Variants in NEDD8 observed in about 807,000 individuals in gnomAD.
The protein encoded by NEDD8 is NEDD8 ubiquitin like modifier.
Under a neutral mutation model 13.8 loss-of-function variants are expected in NEDD8, and 1 was observed. The ratio of observed to expected loss-of-function variants is 0.07; its 90% confidence interval spans 0.03 to 0.34. The LOEUF (loss-of-function observed/expected upper bound fraction) is 0.34, where lower values mean the gene tolerates loss of function less well. Among genes scored for constraint, NEDD8 ranks in the 10% least tolerant of loss-of-function variants. The pLI is 0.99. For missense variants in NEDD8, 10 were observed against 95.2 expected, an observed-to-expected ratio of 0.10 and a Z score of 3.73; for synonymous variants, 31 against 33.2, an observed-to-expected ratio of 0.93 and a Z score of 0.23.
intron 3 of NEDD8, 60 bp from the exon 4 acceptor site, chr14:24,217,283 G>A (rs1320810027): frequency 8.0e-7 from 1 of 1,257,078 alleles, no homozygotes; most frequent in Non-Finnish European, 1.1e-6. Context: ...TTTTGTTGTT[G>A]TTGTTGTTGT....
intron 3 of NEDD8, among the ~76,000 whole-genome samples, chr14:24,217,474 A>G (rs1052918466): frequency 6.6e-6 from 1 of 151,844 alleles, no homozygotes; most frequent in Non-Finnish European, 1.5e-5. Flanking sequence ...ATTTTTAGTA[A>G]AGATGGGGTT....
At chr14:24,223,719 T>A (rs2039844348) in intron 1 of NEDD8, among the ~76,000 whole-genome samples, 1 of 146,228 alleles carries the variant, frequency 6.8e-6, no homozygotes, top group Non-Finnish European at 1.5e-5. Context: ...TGGCTAATTC[T>A]TTTTTGGAAA....
At chr14:24,226,313 A>G (rs932751741) in intron 1 of NEDD8, among the ~76,000 whole-genome samples, 5 of 151,854 alleles carry the variant, frequency 3.3e-5, no homozygotes, top group South Asian at 4.2e-4. Flanking sequence ...CCAACATGGC[A>G]AAACCCTGTC....
rs573580856 is a variant in NEDD8 at position 24,224,221 on chromosome 14, G to A, written c.19-5790C>T. On this transcript the variant is annotated intron_variant, in intron 1 of 3. Coordinates refer to ENST00000250495, the MANE Select transcript of NEDD8 (RefSeq NM_006156.3). ...TGGGATTACAGGCGTGAGCCACCGC[G>A]CCCAGCCAATTTTTGTATTTTTAGT... Among the ~76,000 whole-genome samples the A allele has an allele frequency of 4.8e-3, 736 of 152,096 alleles. 10 individuals are homozygous for A. The highest frequency in any genetic ancestry group is 0.017 in the African/African-American group (705 of 41,500).
At chr14:24,222,956 G>A (rs2039830789) in intron 1 of NEDD8, among the ~76,000 whole-genome samples, 1 of 151,710 alleles carries the variant, frequency 6.6e-6, no homozygotes, top group South Asian at 2.1e-4. Context: ...CATGGTGGTG[G>A]GCGCCTGTAG....
chr14:24,217,061 G>A lies in NEDD8; in HGVS notation c.*66C>T, dbSNP rs1049732. ...AGGGGGCAGTGGCTATGGTGTCCCAGAGAGTGAGAGGATATATGATGCCTC... is the reference window on the plus strand; with the variant it reads ...AGGGGGCAGTGGCTATGGTGTCCCAAAGAGTGAGAGGATATATGATGCCTC... On this transcript the variant is annotated 3_prime_UTR_variant, in exon 4 of 4. Transcript: ENST00000250495. The A allele has an allele frequency of 7.6e-7, 1 of 1,310,844 alleles. No homozygotes were observed. The highest frequency in any genetic ancestry group is 2.4e-5 in the East Asian group (1 of 41,578). The allele number at this position is 1,310,844 out of a possible 1,614,324, so 81.2% of individuals were successfully genotyped here.
At chr14:24,228,453 G>C (rs1483126332) in intron 1 of NEDD8, 1 of 151,744 alleles carries the variant, frequency 6.6e-6, no homozygotes, top group East Asian at 1.9e-4. Flanking sequence ...GGTAGCTCAC[G>C]GCTGTAATCC....
At chr14:24,230,704 C>G (rs183807223) in intron 1 of NEDD8, among the ~76,000 whole-genome samples, 1 of 150,846 alleles carries the variant, frequency 6.6e-6, no homozygotes, top group Non-Finnish European at 1.5e-5. Flanking sequence ...CTGCAATCTC[C>G]GCCTCCCAGG....
chr14:24,217,510 G>A (rs1174497262), intron 3 of NEDD8, among the ~76,000 whole-genome samples: 2 of 152,074 alleles, frequency 1.3e-5, no homozygotes, highest in Non-Finnish European at 2.9e-5. Context: ...GGCTGGTCTC[G>A]AACTCCTGAC....
intron 1 of NEDD8, among the ~76,000 whole-genome samples, chr14:24,220,953 C>A (rs2039798362): frequency 6.6e-6 from 1 of 152,182 alleles, no homozygotes; most frequent in South Asian, 2.1e-4. Flanking sequence ...GAAACAAGAA[C>A]TCAGAAAATT....
At position 24,218,306 on chromosome 14, in the gene NEDD8, AAAGGACCAAGTTCATAAGCAT is replaced by A. The variant is rs1790786537; in HGVS notation, c.66+57_66+77del. The stretch of plus-strand genomic sequence containing the variant: ...GGGCTATGCAGACAGCATGAGAGCA[AAAGGACCAAGTTCATAAGCAT>A]ATGCAAACAAATACACATGGCAAGA... On this transcript the variant is annotated intron_variant, in intron 2 of 3. Transcript: ENST00000250495. The A allele has an allele frequency of 5.0e-6, 8 of 1,613,918 alleles. No homozygotes were observed. The South Asian group carries it at 8.8e-5, about 18-fold the overall frequency.
chr14:24,232,178 C>A, intron 1 of NEDD8, 72 bp downstream of exon 1: 1 of 1,608,780 alleles, frequency 6.2e-7, no homozygotes, highest in Non-Finnish European at 8.5e-7. Flanking sequence ...GTTTTCCTTC[C>A]CCACGTCTCC....
intron 3 of NEDD8, among the ~76,000 whole-genome samples, chr14:24,217,537 C>T (rs540313791): frequency 1.3e-5 from 2 of 152,224 alleles, no homozygotes; most frequent in Admixed American, 1.3e-4. Context: ...TGATCCACCC[C>T]CTTCAGCCTC....
chr14:24,220,325 CTTTTA>C (rs2039785128), intron 1 of NEDD8, among the ~76,000 whole-genome samples: 1 of 151,866 alleles, frequency 6.6e-6, no homozygotes, highest in South Asian at 2.1e-4. Flanking sequence ...TATTTTTTTC[CTTTTA>C]TTTTTTTAAG....
chr14:24,221,081 A>G (rs1594484715), intron 1 of NEDD8, among the ~76,000 whole-genome samples: 2 of 152,208 alleles, frequency 1.3e-5, no homozygotes. Flanking sequence ...TCAAGCTTCT[A>G]CCCTAACCTA....
At position 24,216,884 on chromosome 14, in the gene NEDD8, G is replaced by T; in HGVS notation, c.*243C>A. ...CCAGGAGGCCAGGAAATATTTTATT[G>T]ACAACCAGGGACACAGTCATAAGAG... is the stretch of plus-strand genomic sequence containing the variant. On this transcript the variant is annotated 3_prime_UTR_variant, in exon 4 of 4. Coordinates refer to ENST00000250495, the MANE Select transcript of NEDD8 (RefSeq NM_006156.3). 1 of 445,910 alleles carries T rather than the reference G, an allele frequency of 2.2e-6. No individual in the cohort carries two copies. The allele number at this position is 445,910 out of a possible 1,614,324, so 27.6% of individuals were successfully genotyped here. A position where few individuals can be genotyped will look rare whatever the true frequency, so the allele number is the denominator to read the frequency against.
chr14:24,218,254 G>A, intron 2 of NEDD8, 39 bp from the exon 3 acceptor site: 3 of 1,614,048 alleles, frequency 1.9e-6, no homozygotes, highest in Non-Finnish European at 1.7e-6. Flanking sequence ...CTGCTTAGGG[G>A]TAGGACCATG....
At chr14:24,226,409 G>A (rs1167452693) in intron 1 of NEDD8, among the ~76,000 whole-genome samples, 8 of 144,962 alleles carry the variant, frequency 5.5e-5, no homozygotes, top group Non-Finnish European at 6.0e-5. Flanking sequence ...TCGTGCCACC[G>A]CACTCCAGCC....
chr14:24,232,084 G>T (rs1356230519), intron 1 of NEDD8, 166 bp downstream of exon 1: 1 of 1,087,456 alleles, frequency 9.2e-7, no homozygotes, highest in Non-Finnish European at 1.3e-6. Flanking sequence ...CGCTCTCAAA[G>T]CCCTTCTGGG....
Sources: gnomAD v4.1 joint callset for allele counts (sites outside exome capture counted in the v4.1 genomes callset) on GRCh38, gnomAD v4.1.1 for gene constraint, MANE v1.5 for transcripts, NCBI Gene and HGNC (gene_info 2026-07-23, HGNC 2026-07-21) for gene names.